RNF170: variants seen among roughly 807,000 people sequenced by gnomAD.
RNF170 encodes ring finger protein 170, also known as E3 ubiquitin-protein ligase RNF170.
Under a neutral mutation model 32.7 loss-of-function variants are expected in RNF170, and 12 were observed. The observed-to-expected ratio is 0.37, with a 90% CI of 0.24 to 0.60. The LOEUF (loss-of-function observed/expected upper bound fraction) is 0.60, where lower values mean the gene tolerates loss of function less well. RNF170 is among the 20% of genes least tolerant of loss of function. The pLI, the probability that RNF170 is intolerant of heterozygous loss-of-function variation, is 0.72. For missense variants in RNF170, 212 were observed against 311.2 expected, an observed-to-expected ratio of 0.68 and a Z score of 2.40; for synonymous variants, 91 against 103.6, an observed-to-expected ratio of 0.88 and a Z score of 0.74.
intron 2 of RNF170, among the ~76,000 whole-genome samples, chr8:42,875,222 G>A (rs1804835949): frequency 6.6e-6 from 1 of 151,950 alleles, no homozygotes; most frequent in African/African-American, 2.4e-5. Flanking sequence ...GGTGGGGTGG[G>A]GGTGAAGCGT....
chr8:42,852,499 C>T (rs1472179438), downstream of RNF170, among the ~76,000 whole-genome samples: 4 of 151,990 alleles, frequency 2.6e-5, no homozygotes, highest in African/African-American at 9.7e-5. Context: ...CTCACTGCAA[C>T]CTCTGCCTTC....
At chr8:42,877,704 C>T (rs1471137153) in intron 2 of RNF170, among the ~76,000 whole-genome samples, 1 of 152,046 alleles carries the variant, frequency 6.6e-6, no homozygotes, top group African/African-American at 2.4e-5. Flanking sequence ...AATATTCATG[C>T]CATTGGATTC....
Position 42,855,711 on chromosome 8 carries a change from T to C in RNF170, c.*448A>G. The C allele has an allele frequency of 7.9e-7, 1 of 1,265,668 alleles. No homozygotes were observed. The highest frequency in any genetic ancestry group is 1.0e-6 in the Non-Finnish European group (1 of 976,846). The allele number at this position is 1,265,668 out of a possible 1,614,324, so 78.4% of individuals were successfully genotyped here. A position where few individuals can be genotyped will look rare whatever the true frequency, so the allele number is the denominator to read the frequency against. On this transcript the variant is annotated 3_prime_UTR_variant, in exon 7 of 7. Transcript: ENST00000527424. ...AGAAATACTGAATTTTCCCCAATAG[T>C]ATATAATATTTTATTGGAACAAAAA...
chr8:42,893,434 A>G (rs1266753505), intron 1 of RNF170, among the ~76,000 whole-genome samples: 1 of 152,172 alleles, frequency 6.6e-6, no homozygotes, highest in African/African-American at 2.4e-5. Context: ...GTATCTTCAG[A>G]CAGCAAACAA....
downstream of RNF170, among the ~76,000 whole-genome samples, chr8:42,852,424 T>C (rs1211336031): frequency 2.6e-5 from 4 of 152,202 alleles, no homozygotes; most frequent in African/African-American, 9.7e-5. Context: ...CATTTATTTT[T>C]TTTTAATTTT....
At chr8:42,887,681 C>T in intron 2 of RNF170, 47 bp downstream of exon 2, 1 of 1,591,282 alleles carries the variant, frequency 6.3e-7, no homozygotes, top group Non-Finnish European at 8.6e-7. Context: ...GTCAAAAAGT[C>T]AGCAGCCCTT....
rs769988570 is a variant in RNF170 at position 42,870,635 on chromosome 8, TG to T, written c.214-524del. ...GTCCCAGCTACTTGGGAGACTGAGG[TG>T]GGAGGTCACCTGAGCCTGGGAGGTT... On this transcript the variant is annotated intron_variant, in intron 3 of 6. Coordinates refer to ENST00000527424, the MANE Select transcript of RNF170 (RefSeq NM_030954.4). Among the ~76,000 whole-genome samples, 18 of 151,866 alleles carry T rather than the reference TG, an allele frequency of 1.2e-4. No individual in the cohort carries two copies. The East Asian group carries it at 3.1e-3, about 26-fold the overall frequency.
chr8:42,894,360 A>G (rs1359230538), intron 1 of RNF170, among the ~76,000 whole-genome samples: 1 of 152,242 alleles, frequency 6.6e-6, no homozygotes, highest in African/African-American at 2.4e-5. Flanking sequence ...TTATCTGCCC[A>G]TCTAAAGACA....
intron 6 of RNF170, among the ~76,000 whole-genome samples, chr8:42,858,014 G>A (rs1228552974): frequency 2.0e-5 from 3 of 152,174 alleles, no homozygotes; most frequent in Admixed American, 6.5e-5. Context: ...TGGCCTGGGC[G>A]ACAGAGCGAG....
intron 2 of RNF170, 58 bp downstream of exon 2, chr8:42,887,670 G>A (rs1805932543): frequency 1.5e-5 from 22 of 1,485,160 alleles, no homozygotes; most frequent in Admixed American, 1.7e-5. Flanking sequence ...CATTATTAGG[G>A]GTCAAAAAGT....
rs767653711 is a variant in RNF170, at chr8:42,854,401, T to C, written c.*1758A>G. 5.4e-5 allele frequency: 69 copies of C among 1,287,116 alleles called. No homozygotes were observed. The highest frequency in any genetic ancestry group is 6.9e-5 in the Non-Finnish European group (68 of 988,690). 79.7% of individuals were successfully genotyped at this position (1,287,116 alleles called of 1,614,324 possible). On this transcript the variant is annotated 3_prime_UTR_variant, in exon 7 of 7. Coordinates refer to ENST00000527424, the MANE Select transcript of RNF170 (RefSeq NM_030954.4). ...CTTCATTCAAAAACACTTTCATCAA[T>C]AGCATGGGGATTGTATCTATGAAAG... is the stretch of plus-strand genomic sequence containing the variant.
At chr8:42,850,282 A>G (rs761760740), downstream of RNF170, 1 of 176,036 alleles carries the variant, frequency 5.7e-6, no homozygotes, top group Non-Finnish European at 1.2e-5. Flanking sequence ...CTTTACCTTT[A>G]CTCTGTGGGA....
upstream of RNF170, chr8:42,896,674 G>C (rs1195576823): frequency 6.7e-6 from 3 of 450,076 alleles, no homozygotes; most frequent in African/African-American, 2.0e-5. Flanking sequence ...AGGACCCGTC[G>C]CCGCAGCCTC....
At position 42,886,709 on chromosome 8, in the gene RNF170, G is replaced by A. The variant is rs144416576; in HGVS notation, c.137+1019C>T. Among the ~76,000 whole-genome samples, 464 of 152,282 alleles carry A rather than the reference G, an allele frequency of 3.0e-3. 10 individuals are homozygous for A. The East Asian group carries it at 0.076, about 25-fold the overall frequency. On this transcript the variant is annotated intron_variant, in intron 2 of 6. Coordinates refer to ENST00000527424, the MANE Select transcript of RNF170 (RefSeq NM_030954.4). Reference sequence around the variant, plus strand: ...CCCAAGGTGCTGGGATTACCGGCGTGAGCCACCACATCCAGCCTAAATTAA... The same window carrying A: ...CCCAAGGTGCTGGGATTACCGGCGTAAGCCACCACATCCAGCCTAAATTAA...
chr8:42,894,708 G>A (rs931990207), intron 1 of RNF170, among the ~76,000 whole-genome samples: 3 of 152,164 alleles, frequency 2.0e-5, no homozygotes, highest in Admixed American at 2.0e-4. Context: ...GGGACTACAG[G>A]AGCCCGCCAC....
chr8:42,870,063 G>C lies in RNF170; in HGVS notation c.263C>G (p.Pro88Arg). 1.2e-6 allele frequency: 2 copies of C among 1,614,078 alleles called. No homozygotes were observed. Among genetic ancestry groups the C allele is most frequent in the Non-Finnish European group, 8.5e-7 (1 of 1,179,992 alleles). Reference sequence around the variant, plus strand: ...GAAGGAGGCTTGGTGCAGGCAGATGGGACAGTACATGTCAGTGTAGAACTG... The same window carrying C: ...GAAGGAGGCTTGGTGCAGGCAGATGCGACAGTACATGTCAGTGTAGAACTG... ...RQQFYTDMYC[P>R]ICLHQASFPV... Residue 88 changes from proline (P) to arginine (R), a missense_variant, in exon 4 of 7, where the codon CCC (proline) becomes CGC (arginine). By Grantham distance (103) the Pro-to-Arg change is moderately radical (BLOSUM62 -2). Around this residue, in one of 2 missense-constraint regions of RNF170, gnomAD observed 115 missense variants for 132.3 expected, o/e 0.87. Transcript: ENST00000527424.
chr8:42,896,306 G>C (rs1232028546), intron 1 of RNF170, 178 bp downstream of exon 1: 6 of 365,138 alleles, frequency 1.6e-5, no homozygotes, highest in South Asian at 1.0e-4. Flanking sequence ...ACTCCGGACA[G>C]CCGCGGGGCG....
intron 1 of RNF170, among the ~76,000 whole-genome samples, chr8:42,891,044 A>G (rs1387821308): frequency 6.6e-6 from 1 of 152,116 alleles, no homozygotes; most frequent in Non-Finnish European, 1.5e-5. Flanking sequence ...CTGTTCTCCA[A>G]CTTTTGTTGT....
intron 6 of RNF170, among the ~76,000 whole-genome samples, chr8:42,857,131 A>C (rs1803301399): frequency 6.6e-6 from 1 of 152,230 alleles, no homozygotes; most frequent in Admixed American, 6.5e-5. Context: ...TATGTTTAAC[A>C]ATCTGTGTAA....
Sources: gnomAD v4.1 joint callset for allele counts (sites outside exome capture counted in the v4.1 genomes callset) on GRCh38, gnomAD v4.1.1 for gene constraint, gnomAD v4.1.1 regional missense constraint, MANE v1.5 for transcripts, NCBI Gene and HGNC (gene_info 2026-07-23, HGNC 2026-07-21) for gene names.